PRKCZ: variants seen among roughly 807,000 people sequenced by gnomAD.
The protein encoded by PRKCZ is protein kinase C zeta type.
A neutral mutation model predicts 79.5 loss-of-function variants in PRKCZ; 33 were observed. The observed-to-expected ratio is 0.41, with a 90% CI of 0.31 to 0.55. The LOEUF (loss-of-function observed/expected upper bound fraction) is 0.55. Ranked by LOEUF, PRKCZ falls within the 20% of genes least tolerant of loss-of-function variation. PRKCZ has a pLI of 0.19. For synonymous variants in PRKCZ, 342 were observed against 320.9 expected (o/e 1.07, Z -0.70); for missense variants, 578 against 813.5 (o/e 0.71, Z 3.52).
rs12073660 is a variant in PRKCZ, at chr1:2,100,767, G to C, written c.335-34495G>C. Among the ~76,000 whole-genome samples, 1,357 of 152,250 alleles carry C rather than the reference G, an allele frequency of 8.9e-3. 22 individuals are homozygous for C. Among genetic ancestry groups the C allele is most frequent in the African/African-American group, 0.031 (1,279 of 41,534 alleles). On this transcript the variant is annotated intron_variant, in intron 4 of 17. Coordinates refer to ENST00000378567, the MANE Select transcript of PRKCZ (RefSeq NM_002744.6). Reference sequence around the variant, plus strand: ...CCCTGAGCAGGTGGGGTCTGCAGAGGCCTCGTGGGTTGGAGGAGACTTATT... The same window carrying C: ...CCCTGAGCAGGTGGGGTCTGCAGAGCCCTCGTGGGTTGGAGGAGACTTATT...
intron 4 of PRKCZ, among the ~76,000 whole-genome samples, chr1:2,129,962 G>A (rs1300003141): frequency 6.6e-6 from 1 of 152,172 alleles, no homozygotes; most frequent in Non-Finnish European, 1.5e-5. Flanking sequence ...GAATACAGTG[G>A]TGTGATCTCT....
chr1:2,073,512 G>A lies in PRKCZ; in HGVS notation c.334+13921G>A, dbSNP rs550725045. On this transcript the variant is annotated intron_variant, in intron 4 of 17. Coordinates refer to ENST00000378567, the MANE Select transcript of PRKCZ (RefSeq NM_002744.6). ...GGGCTTAGCTGGGTTCTGTTCTGATGTCGCATTTTCAAGGTCCGCTGAGTC... is the reference window on the plus strand; with the variant it reads ...GGGCTTAGCTGGGTTCTGTTCTGATATCGCATTTTCAAGGTCCGCTGAGTC... 2.0e-5 allele frequency: 12 copies of A among 593,558 alleles called. No individual in the cohort carries two copies. The South Asian group carries it at 3.6e-4, about 18-fold the overall frequency. 36.8% of individuals were successfully genotyped at this position (593,558 alleles called of 1,614,324 possible). A position where few individuals can be genotyped will look rare whatever the true frequency, so the allele number is the denominator to read the frequency against.
At chr1:2,113,546 A>G (rs1285416585) in intron 4 of PRKCZ, among the ~76,000 whole-genome samples, 1 of 152,182 alleles carries the variant, frequency 6.6e-6, no homozygotes, top group African/African-American at 2.4e-5. Flanking sequence ...GTCAGAGGCG[A>G]CCAGGGCCTT....
chr1:2,057,547 G>A lies in PRKCZ; in HGVS notation c.283+974G>A, dbSNP rs141630082. 1.1e-3 allele frequency among the ~76,000 whole-genome samples: 166 copies of A among 152,186 alleles called. 1 individual carries two copies. Among genetic ancestry groups the A allele is most frequent in the African/African-American group, 3.6e-3 (149 of 41,512 alleles). On this transcript the variant is annotated intron_variant, in intron 3 of 17. Coordinates refer to ENST00000378567, the MANE Select transcript of PRKCZ (RefSeq NM_002744.6). ...CTGGTTACAACACTTAATTTTCTTC[G>A]CCCTTTATATCAATGAGGCTCTAAA...
intron 4 of PRKCZ, among the ~76,000 whole-genome samples, chr1:2,115,491 C>T (rs1670581144): frequency 6.6e-6 from 1 of 152,218 alleles, no homozygotes; most frequent in African/African-American, 2.4e-5. Context: ...CACTCTGGCG[C>T]CAGCTGGGTG....
intron 4 of PRKCZ, among the ~76,000 whole-genome samples, chr1:2,068,274 C>T (rs539184161): frequency 7.2e-4 from 109 of 152,338 alleles, no homozygotes; most frequent in Non-Finnish European, 1.4e-3. Flanking sequence ...AGAGACCCCC[C>T]GCCTTCCTTG....
intron 16 of PRKCZ, among the ~76,000 whole-genome samples, chr1:2,181,503 C>T (rs1686602750): frequency 6.6e-6 from 1 of 152,102 alleles, no homozygotes; most frequent in Non-Finnish European, 1.5e-5. Context: ...ATGGGTTGGG[C>T]GCAGGGGGCG....
chr1:2,060,035 G>T (rs561024885), intron 4 of PRKCZ, among the ~76,000 whole-genome samples: 42 of 152,330 alleles, frequency 2.8e-4, no homozygotes, highest in Admixed American at 1.4e-3. Flanking sequence ...AGTCCCGGGG[G>T]CTGTGGCTTC....
At chr1:2,139,998 G>A (rs1676996731) in intron 5 of PRKCZ, among the ~76,000 whole-genome samples, 1 of 152,174 alleles carries the variant, frequency 6.6e-6, no homozygotes, top group African/African-American at 2.4e-5. Flanking sequence ...CAAGACTTTG[G>A]CCTTTATCAT....
intron 16 of PRKCZ, chr1:2,182,250 TG>T (rs1354813877): frequency 1.6e-5 from 3 of 186,178 alleles, no homozygotes; most frequent in Admixed American, 6.3e-5. Flanking sequence ...TGCAGTGGAG[TG>T]GGGGGCTGCA....
rs372992449 is a variant in PRKCZ, at chr1:2,172,880, G to C, written c.1285+492G>C. 6.6e-6 allele frequency among the ~76,000 whole-genome samples: 1 copy of C among 152,210 alleles called. No homozygotes were observed. On this transcript the variant is annotated intron_variant, in intron 13 of 17. Transcript: ENST00000378567. The surrounding 1 kb of genome is among the most constrained non-coding windows in gnomAD (Gnocchi z 7.8). ...GGCACGCGTGTGCAGCCGTGTGTGC[G>C]TGTGTGAAACGGGGACGTGGGCACG... is the stretch of plus-strand genomic sequence containing the variant.
In PRKCZ at chr1:2,185,277, G is replaced by A. The variant is rs1395413361; in HGVS notation, c.*268G>A. 3 of 717,478 alleles carry A rather than the reference G, an allele frequency of 4.2e-6. No homozygotes were observed. The highest frequency in any genetic ancestry group is 7.8e-6 in the Non-Finnish European group (3 of 384,588). 44.4% of individuals were successfully genotyped at this position (717,478 alleles called of 1,614,324 possible). ...CCGCGGGGACCCTGCCGAGGGGGCT[G>A]TCATGCGGTTTCCAAGGTGCACATT... On this transcript the variant is annotated 3_prime_UTR_variant, in exon 18 of 18. Coordinates refer to ENST00000378567, the MANE Select transcript of PRKCZ (RefSeq NM_002744.6).
intron 4 of PRKCZ, among the ~76,000 whole-genome samples, chr1:2,065,711 G>A (rs2803294): frequency 0.33 from 48,797 of 148,894 alleles, 10,544 homozygotes; most frequent in East Asian, 0.81. Context: ...AAGTGGTGTG[G>A]TCAATCATCC....
intron 4 of PRKCZ, among the ~76,000 whole-genome samples, chr1:2,063,593 G>A (rs1277663755): frequency 1.3e-5 from 2 of 152,130 alleles, no homozygotes; most frequent in East Asian, 1.9e-4. Context: ...GATTACAGGC[G>A]TGAGCCACTG....
intron 9 of PRKCZ, among the ~76,000 whole-genome samples, chr1:2,152,519 G>A (rs1571857036): frequency 6.6e-6 from 1 of 152,324 alleles, no homozygotes; most frequent in East Asian, 1.9e-4. Flanking sequence ...GCGACCAAAT[G>A]AGACTCTGTC....
chr1:2,082,309 C>T lies in PRKCZ; in HGVS notation c.334+22718C>T, dbSNP rs553859206. 9 of 448,324 alleles carry T rather than the reference C, an allele frequency of 2.0e-5. No homozygotes were observed. The highest frequency in any genetic ancestry group is 1.4e-4 in the East Asian group (2 of 14,358). 27.8% of individuals were successfully genotyped at this position (448,324 alleles called of 1,614,324 possible). A position where few individuals can be genotyped will look rare whatever the true frequency, so the allele number is the denominator to read the frequency against. On this transcript the variant is annotated intron_variant, in intron 4 of 17. Coordinates refer to ENST00000378567, the MANE Select transcript of PRKCZ (RefSeq NM_002744.6). The surrounding 1 kb of genome is among the most constrained non-coding windows in gnomAD (Gnocchi z 4.4). ...GTGCAGGAGCTGGGGGCTGCCAGAGCGGCTGTTCAAGATGGACTTGGCAAA... is the reference window on the plus strand; with the variant it reads ...GTGCAGGAGCTGGGGGCTGCCAGAGTGGCTGTTCAAGATGGACTTGGCAAA...
rs1420639804 is a variant in PRKCZ, at chr1:2,156,103, G to A, written c.974+11G>A. 6.2e-7 allele frequency: 1 copy of A among 1,601,074 alleles called. No homozygotes were observed. Among genetic ancestry groups the A allele is most frequent in the Non-Finnish European group, 8.6e-7 (1 of 1,168,680 alleles). On this transcript the variant is annotated intron_variant, in intron 10 of 17. Coordinates refer to ENST00000378567, the MANE Select transcript of PRKCZ (RefSeq NM_002744.6). ...CCAGACGACAAGTCGGTAAGAAAAA[G>A]AAGGGTATTTCTGATATTCTGCAGA...
intron 8 of PRKCZ, among the ~76,000 whole-genome samples, chr1:2,150,422 G>A (rs1367633222): frequency 6.6e-6 from 1 of 152,216 alleles, no homozygotes; most frequent in Non-Finnish European, 1.5e-5. Context: ...CACTGATCAG[G>A]AAGGATGGGC....
At position 2,173,982 on chromosome 1, in the gene PRKCZ, C is replaced by T. The variant is rs757795932; in HGVS notation, c.1371C>T (p.Asn457=). The T allele has an allele frequency of 6.2e-7, 1 of 1,612,778 alleles. No homozygotes were observed. Among genetic ancestry groups the T allele is most frequent in the Non-Finnish European group, 8.5e-7 (1 of 1,179,456 alleles). The change falls in exon 14 of 18, where the codon AAC becomes AAT. Residue 457 remains asparagine (N), a synonymous_variant. Coordinates refer to ENST00000378567, the MANE Select transcript of PRKCZ (RefSeq NM_002744.6). This position sits in a 1 kb window ranked among gnomAD's most constrained non-coding sequence, Gnocchi z 5.7. Reference sequence around the variant, plus strand: ...CCCCGTTCGACATCATCACCGACAACCCGGACATGAACACAGAGGACTACC... The same window carrying T: ...CCCCGTTCGACATCATCACCGACAATCCGGACATGAACACAGAGGACTACC... The part of the protein sequence containing the change: ...GRSPFDIITD[N]PDMNTEDYLF...
Sources: gnomAD v4.1 joint callset for allele counts (sites outside exome capture counted in the v4.1 genomes callset) on GRCh38, gnomAD v4.1.1 for gene constraint, Gnocchi (gnomAD v3.1) non-coding constraint, MANE v1.5 for transcripts, NCBI Gene and HGNC (gene_info 2026-07-23, HGNC 2026-07-21) for gene names.